Variants in SMARCA2 observed in about 807,000 individuals in gnomAD.
SMARCA2 encodes SWI/SNF-related matrix-associated actin-dependent regulator of chromatin subfamily A member 2.
Under a neutral mutation model 199.8 loss-of-function variants are expected in SMARCA2, and 61 were observed. The observed-to-expected ratio is 0.31, with a 90% CI of 0.25 to 0.38. SMARCA2 has a LOEUF of 0.38. Ranked by LOEUF, SMARCA2 falls within the 10% of genes least tolerant of loss-of-function variation. SMARCA2 has a pLI of 1.00. For synonymous variants in SMARCA2, 935 were observed against 732.0 expected (o/e 1.28, Z -4.48); for missense variants, 1,344 against 2,012.2 (o/e 0.67, Z 6.35).
intron 27 of SMARCA2, among the ~76,000 whole-genome samples, chr9:2,153,995 G>T (rs1825210647): frequency 6.6e-6 from 1 of 152,142 alleles, no homozygotes; most frequent in Admixed American, 6.5e-5. Context: ...ATAAGTTATT[G>T]TTTTCTGCTA....
chr9:2,032,717 AAAAC>A lies in SMARCA2; in HGVS notation c.226-211_226-208del, dbSNP rs111319405. The A allele has an allele frequency of 6.1e-3, 2,200 of 363,212 alleles. 16 individuals are homozygous for A. The highest frequency in any genetic ancestry group is 7.7e-3 in the Non-Finnish European group (1,551 of 201,650). 22.5% of individuals were successfully genotyped at this position (363,212 alleles called of 1,614,324 possible). ...TTCATTGCCTGTTCTGATATTACAA[AAAAC>A]AAACAAACAAACAAACAAACAAAAA... On this transcript the variant is annotated intron_variant, in intron 2 of 33. Coordinates refer to ENST00000349721, the MANE Select transcript of SMARCA2 (RefSeq NM_003070.5).
rs575557290 is a variant in SMARCA2, at chr9:2,182,817, G to T, written c.4461+575G>T. Reference sequence around the variant, plus strand: ...GCCTCAAAGCATATATTTTTTTTTCGAGATGGAGTCTCGCCCAGGCTGGAG... The same window carrying T: ...GCCTCAAAGCATATATTTTTTTTTCTAGATGGAGTCTCGCCCAGGCTGGAG... On this transcript the variant is annotated intron_variant, in intron 31 of 33. Coordinates refer to ENST00000349721, the MANE Select transcript of SMARCA2 (RefSeq NM_003070.5). Among the ~76,000 whole-genome samples, 14 of 134,912 alleles carry T rather than the reference G, an allele frequency of 1.0e-4. No individual in the cohort carries two copies. The South Asian group carries it at 3.3e-3, about 32-fold the overall frequency. 88.5% of individuals were successfully genotyped at this position (134,912 alleles called of 152,430 possible). A position where few individuals can be genotyped will look rare whatever the true frequency, so the allele number is the denominator to read the frequency against.
At chr9:2,176,463 C>A (rs1003368569) in intron 29 of SMARCA2, among the ~76,000 whole-genome samples, 4 of 152,032 alleles carry the variant, frequency 2.6e-5, no homozygotes, top group African/African-American at 7.3e-5. Context: ...GCTGAGTGAA[C>A]CCTTTTCAGT....
rs1315259214 is a variant in SMARCA2 at position 2,016,044 on chromosome 9, ACTTGTT to A, written c.-37+642_-37+647del. 6.6e-6 allele frequency: 1 copy of A among 152,292 alleles called. No homozygotes were observed. Among genetic ancestry groups the A allele is most frequent in the Non-Finnish European group, 1.5e-5 (1 of 68,190 alleles). 9.4% of individuals were successfully genotyped at this position (152,292 alleles called of 1,614,324 possible). ...CGCTGTTGCCACCCGCTTCCCAGGG[ACTTGTT>A]CAAAGGGCTCCGGCTGCGGAGACGT... On this transcript the variant is annotated intron_variant, in intron 1 of 33. Coordinates refer to ENST00000349721, the MANE Select transcript of SMARCA2 (RefSeq NM_003070.5). This position sits in a 1 kb window ranked among gnomAD's most constrained non-coding sequence, Gnocchi z 5.6.
In SMARCA2 at chr9:2,193,012, T is replaced by A; in HGVS notation, c.*273T>A. ...TTTTGATGGAAAATATGTGGGTGGA[T>A]AGTATATTTCTATGGGTGGGTCTAA... On this transcript the variant is annotated 3_prime_UTR_variant, in exon 34 of 34. Transcript: ENST00000349721. The A allele has an allele frequency of 2.4e-6, 1 of 417,968 alleles. No homozygotes were observed. Among genetic ancestry groups the A allele is most frequent in the East Asian group, 4.2e-5 (1 of 24,046 alleles). 25.9% of individuals were successfully genotyped at this position (417,968 alleles called of 1,614,324 possible). A position where few individuals can be genotyped will look rare whatever the true frequency, so the allele number is the denominator to read the frequency against.
intron 29 of SMARCA2, among the ~76,000 whole-genome samples, chr9:2,176,512 G>A (rs544056045): frequency 1.1e-3 from 168 of 152,122 alleles, no homozygotes; most frequent in African/African-American, 3.9e-3. Flanking sequence ...GTAACTCAGG[G>A]ACATTATTTA....
At chr9:2,085,929 G>C (rs1046424164) in intron 17 of SMARCA2, 19 of 152,328 alleles carry the variant, frequency 1.2e-4, no homozygotes, top group Admixed American at 4.6e-4. Context: ...GTGCTCTTAA[G>C]AGGACTGAAG....
chr9:2,136,480 C>T (rs1824202596), intron 27 of SMARCA2, among the ~76,000 whole-genome samples: 1 of 152,124 alleles, frequency 6.6e-6, no homozygotes, highest in South Asian at 2.1e-4. Context: ...GAACACTGTG[C>T]CTGGCCTATT....
intron 27 of SMARCA2, chr9:2,158,798 C>G: frequency 4.8e-6 from 3 of 619,040 alleles, no homozygotes; most frequent in Non-Finnish European, 7.8e-6. Flanking sequence ...TTACTCTACT[C>G]TTTATGTGCG....
chr9:2,152,093 C>T (rs1825108282), intron 27 of SMARCA2, among the ~76,000 whole-genome samples: 2 of 152,160 alleles, frequency 1.3e-5, no homozygotes, highest in Admixed American at 1.3e-4. Flanking sequence ...CAGAAGTCAC[C>T]ATGAACTGAT....
At chr9:2,118,074 T>C (rs1433140635) in intron 25 of SMARCA2, among the ~76,000 whole-genome samples, 1 of 152,178 alleles carries the variant, frequency 6.6e-6, no homozygotes, top group Admixed American at 6.5e-5. Flanking sequence ...AATCTTTTCA[T>C]CTTGGGCATG....
Position 2,150,649 on chromosome 9 carries a change from C to G in SMARCA2, c.3982-11037C>G, listed in dbSNP as rs758314721. ...ATTCCCATCACTGGATATAGTTAAACACCAGTCCCTCAATGACAAATTTTA... is the reference window on the plus strand; with the variant it reads ...ATTCCCATCACTGGATATAGTTAAAGACCAGTCCCTCAATGACAAATTTTA... On this transcript the variant is annotated intron_variant, in intron 27 of 33. Transcript: ENST00000349721. Among the ~76,000 whole-genome samples, 57 of 151,620 alleles carry G rather than the reference C, an allele frequency of 3.8e-4. 4 individuals are homozygous for G. The highest frequency in any genetic ancestry group is 7.7e-4 in the Non-Finnish European group (52 of 67,752).
chr9:2,091,481 T>C (rs918879598), intron 19 of SMARCA2, among the ~76,000 whole-genome samples: 1 of 152,256 alleles, frequency 6.6e-6, no homozygotes, highest in African/African-American at 2.4e-5. Context: ...AATATTCCAT[T>C]ACATGGATGC....
intron 5 of SMARCA2, among the ~76,000 whole-genome samples, chr9:2,049,101 A>G (rs1820008653): frequency 6.6e-6 from 1 of 152,042 alleles, no homozygotes; most frequent in Non-Finnish European, 1.5e-5. Flanking sequence ...AATTACCAGT[A>G]CCTTTGTTAA....
chr9:2,140,406 A>G (rs1459529661), intron 27 of SMARCA2, among the ~76,000 whole-genome samples: 1 of 152,182 alleles, frequency 6.6e-6, no homozygotes, highest in East Asian at 1.9e-4. Context: ...AGATCACCAA[A>G]ATGAACATTT....
chr9:2,067,665 A>C (rs760579016), intron 9 of SMARCA2, among the ~76,000 whole-genome samples: 2 of 152,258 alleles, frequency 1.3e-5, no homozygotes, highest in Non-Finnish European at 2.9e-5. Flanking sequence ...GCTCAAGATC[A>C]TACAGCTAAG....
At chr9:2,068,229 A>T (rs1223460074) in intron 9 of SMARCA2, among the ~76,000 whole-genome samples, 1 of 152,186 alleles carries the variant, frequency 6.6e-6, no homozygotes, top group Non-Finnish European at 1.5e-5. Context: ...ACTAGCTTAG[A>T]TGTAGAGCCT....
chr9:2,039,790 A>C lies in SMARCA2; in HGVS notation c.680A>C (p.Gln227Pro), dbSNP rs940521825. 9.4e-5 allele frequency: 146 copies of C among 1,561,238 alleles called. No individual in the cohort carries two copies. Among genetic ancestry groups the C allele is most frequent in the Admixed American group, 1.7e-4 (10 of 58,414 alleles). Residue 227 changes from glutamine to proline, a missense_variant, in exon 4 of 34, where the codon CAG becomes CCG. By Grantham distance (76) the Gln-to-Pro change is moderately conservative (BLOSUM62 -1). Transcript: ENST00000349721. The surrounding 1 kb of genome is among the most constrained non-coding windows in gnomAD (Gnocchi z 4.8). Reference protein sequence around the residue: ...QQQQQQQQQQQQQQQQQQQQQ... With the variant: ...QQQQQQQQQQPQQQQQQQQQQ... ...CAGCAGCAGCAACAGCAGCAGCAGC[A>C]GCAGCAGCAGCAGCAGCAGCAGCAG...
At chr9:2,162,251 A>G (rs1825720246) in intron 28 of SMARCA2, among the ~76,000 whole-genome samples, 1 of 152,052 alleles carries the variant, frequency 6.6e-6, no homozygotes, top group South Asian at 2.1e-4. Flanking sequence ...ATTTTTTTTA[A>G]TTGAATTGTT....
Sources: allele counts gnomAD v4.1 joint callset (sites outside exome capture counted in the v4.1 genomes callset), GRCh38; gene constraint gnomAD v4.1.1; non-coding constraint Gnocchi (gnomAD v3.1); transcripts MANE v1.5; gene names NCBI Gene and HGNC (gene_info 2026-07-23, HGNC 2026-07-21).